Variants in SCGB2B2 observed in about 807,000 individuals in gnomAD.
SCGB2B2 encodes secretoglobin-like protein.
Under a neutral mutation model 7.6 loss-of-function variants are expected in SCGB2B2, and 11 were observed. That is an observed-to-expected ratio of 1.45 (90% CI 0.91 to 2.40). The LOEUF (loss-of-function observed/expected upper bound fraction) is 2.40, where lower values mean the gene tolerates loss of function less well. Among genes scored for constraint, SCGB2B2 ranks in the 30% most tolerant of loss-of-function variants. SCGB2B2 has a pLI of 0.00. For missense variants in SCGB2B2, 104 were observed against 115.4 expected, an observed-to-expected ratio of 0.90 and a Z score of 0.45; for synonymous variants, 50 against 48.6, an observed-to-expected ratio of 1.03 and a Z score of -0.12.
intron 1 of SCGB2B2, among the ~76,000 whole-genome samples, chr19:34,614,685 T>G (rs2066022660): frequency 6.6e-6 from 1 of 152,244 alleles, no homozygotes; most frequent in South Asian, 2.1e-4. Flanking sequence ...TTTAAATGTT[T>G]CTTTTGGCAC....
chr19:34,670,659 T>G (rs181059720), intron 1 of SCGB2B2, among the ~76,000 whole-genome samples: 29 of 152,364 alleles, frequency 1.9e-4, no homozygotes, highest in Non-Finnish European at 3.1e-4. Flanking sequence ...TTTGCCAGTA[T>G]AGTCTTCTAG....
At chr19:34,597,126 G>A (rs918916571) in intron 1 of SCGB2B2, among the ~76,000 whole-genome samples, 6 of 151,774 alleles carry the variant, frequency 4.0e-5, no homozygotes, top group Non-Finnish European at 8.8e-5. Context: ...TCACCTGCCT[G>A]TGCCCAGCCA....
chr19:34,657,976 C>A (rs560610343), intron 1 of SCGB2B2, among the ~76,000 whole-genome samples: 3 of 152,322 alleles, frequency 2.0e-5, no homozygotes, highest in Non-Finnish European at 2.9e-5. Context: ...GGAAACTGAA[C>A]AACCTGCTAC....
intron 1 of SCGB2B2, chr19:34,635,450 G>T: frequency 3.4e-6 from 1 of 295,084 alleles, no homozygotes; most frequent in Non-Finnish European, 7.1e-6. Context: ...TCTCTCCAGC[G>T]TGAACTTTCT....
chr19:34,586,884 C>T (rs2086146), downstream of SCGB2B2, among the ~76,000 whole-genome samples: 92,120 of 152,090 alleles, frequency 0.61, 28,209 homozygotes, highest in East Asian at 0.88. Flanking sequence ...CATGAAGTCA[C>T]GCAATATGTA....
intron 1 of SCGB2B2, among the ~76,000 whole-genome samples, chr19:34,603,984 A>T (rs1488859972): frequency 6.6e-6 from 1 of 151,882 alleles, no homozygotes; most frequent in East Asian, 1.9e-4. Flanking sequence ...ATCTCCTTTT[A>T]AATAATTTAT....
At chr19:34,615,303 T>C (rs192855027) in intron 1 of SCGB2B2, among the ~76,000 whole-genome samples, 133 of 152,232 alleles carry the variant, frequency 8.7e-4, no homozygotes, top group Non-Finnish European at 1.5e-3. Flanking sequence ...AATACTCCAG[T>C]GGTGAGGTCT....
At chr19:34,619,349 G>T (rs746036660) in intron 1 of SCGB2B2, among the ~76,000 whole-genome samples, 40 of 152,164 alleles carry the variant, frequency 2.6e-4, no homozygotes, top group Non-Finnish European at 5.3e-4. Context: ...GAGATCTTAA[G>T]ATTCTTTAAA....
intron 1 of SCGB2B2, among the ~76,000 whole-genome samples, chr19:34,630,433 C>A (rs2066497275): frequency 6.6e-6 from 1 of 151,908 alleles, no homozygotes; most frequent in East Asian, 1.9e-4. Context: ...AACAAACAAC[C>A]CCATCAACAA....
intron 1 of SCGB2B2, among the ~76,000 whole-genome samples, chr19:34,610,523 T>C (rs1333875047): frequency 6.6e-6 from 1 of 152,192 alleles, no homozygotes; most frequent in Non-Finnish European, 1.5e-5. Context: ...AATGAAGCAT[T>C]GTTGACTTTT....
chr19:34,594,436 G>C (rs1227651758), intron 2 of SCGB2B2, 67 bp downstream of exon 2: 1 of 1,600,846 alleles, frequency 6.2e-7, no homozygotes, highest in African/African-American at 1.3e-5. Context: ...ATGAGACCTT[G>C]GGATGGTGAT....
intron 1 of SCGB2B2, among the ~76,000 whole-genome samples, chr19:34,604,936 GA>G (rs11305072): frequency 0.32 from 48,199 of 152,012 alleles, 8,449 homozygotes; most frequent in Middle Eastern, 0.48. Context: ...TGACAGTTGT[GA>G]AAAACCAGAA....
Position 34,593,449 on chromosome 19 carries a change from AGGTGTTCATT to A in SCGB2B2, c.*96_*105del. The A allele has an allele frequency of 2.6e-6, 2 of 778,760 alleles. No individual in the cohort carries two copies. Among genetic ancestry groups the A allele is most frequent in the Non-Finnish European group, 4.3e-6 (2 of 461,338 alleles). The allele number at this position is 778,760 out of a possible 1,614,324, so 48.2% of individuals were successfully genotyped here. A position where few individuals can be genotyped will look rare whatever the true frequency, so the allele number is the denominator to read the frequency against. ...ATGCCAGAACACAGAACTGAGCTGCAGGTGTTCATTGGGGTCTCTGTAGTGATGAACAGAG... is the reference window on the plus strand; with the variant it reads ...ATGCCAGAACACAGAACTGAGCTGCAGGGGTCTCTGTAGTGATGAACAGAG... On this transcript the variant is annotated 3_prime_UTR_variant, in exon 4 of 4. Transcript: ENST00000601241.
chr19:34,614,267 CATAAGTTTT>C (rs2066009766), intron 1 of SCGB2B2, among the ~76,000 whole-genome samples: 1 of 152,076 alleles, frequency 6.6e-6, no homozygotes, highest in South Asian at 2.1e-4. Flanking sequence ...AGTGGTGTTG[CATAAGTTTT>C]ATAACTTTTT....
chr19:34,635,301 A>G lies in SCGB2B2; in HGVS notation c.-2031-38707T>C. 3 of 289,082 alleles carry G rather than the reference A, an allele frequency of 1.0e-5. No homozygotes were observed. In the South Asian group the frequency reaches 1.3e-4, roughly 13 times the overall value. The allele number at this position is 289,082 out of a possible 1,614,324, so 17.9% of individuals were successfully genotyped here. On this transcript the variant is annotated intron_variant, in intron 1 of 3. Coordinates refer to ENST00000601241, the MANE Select transcript of SCGB2B2 (RefSeq NM_001025591.4). The stretch of plus-strand genomic sequence containing the variant: ...TCCAGTGTGGACTCTCTGGTGCTGA[A>G]TGAGTGTGTGTTTGCTGCTATAGGC...
intron 1 of SCGB2B2, among the ~76,000 whole-genome samples, chr19:34,625,457 A>G (rs1008735700): frequency 9.2e-5 from 14 of 152,226 alleles, no homozygotes; most frequent in Admixed American, 2.6e-4. Context: ...AGCAAACTGC[A>G]CACCAGGAGA....
At chr19:34,625,205 C>T (rs751813426) in intron 1 of SCGB2B2, among the ~76,000 whole-genome samples, 26 of 152,276 alleles carry the variant, frequency 1.7e-4, no homozygotes, top group Middle Eastern at 6.8e-3. Context: ...ATGCAGAAGA[C>T]GGCTGATTTC....
intron 1 of SCGB2B2, among the ~76,000 whole-genome samples, chr19:34,605,029 C>T (rs181671556): frequency 6.6e-6 from 1 of 152,286 alleles, no homozygotes; most frequent in Non-Finnish European, 1.5e-5. Context: ...TGTCTCCTGC[C>T]TCTTTGTCCC....
intron 1 of SCGB2B2, among the ~76,000 whole-genome samples, chr19:34,618,214 T>C (rs2066143535): frequency 6.6e-6 from 1 of 152,238 alleles, no homozygotes; most frequent in South Asian, 2.1e-4. Context: ...TACCCAGTAA[T>C]GGGATTGCTG....
Sources: gnomAD v4.1 joint callset for allele counts (sites outside exome capture counted in the v4.1 genomes callset) on GRCh38, gnomAD v4.1.1 for gene constraint, MANE v1.5 for transcripts, NCBI Gene and HGNC (gene_info 2026-07-23, HGNC 2026-07-21) for gene names.